AK8: variants seen among roughly 807,000 people sequenced by gnomAD.
The protein encoded by AK8 is ATP-AMP transphosphorylase 8.
In AK8, 44 loss-of-function variants were observed where a neutral mutation model predicts 54.6. The ratio of observed to expected loss-of-function variants is 0.81; its 90% confidence interval spans 0.63 to 1.04. The LOEUF (loss-of-function observed/expected upper bound fraction) is 1.04. Among genes scored for constraint, AK8 ranks in the 50% least tolerant of loss-of-function variants. The pLI, the probability that AK8 is intolerant of heterozygous loss-of-function variation, is 0.00. For missense variants in AK8, 555 were observed against 613.6 expected, an observed-to-expected ratio of 0.90 and a Z score of 1.01; for synonymous variants, 239 against 245.6, an observed-to-expected ratio of 0.97 and a Z score of 0.25.
chr9:132,773,552 C>G (rs1010746442), intron 11 of AK8, among the ~76,000 whole-genome samples: 3 of 152,214 alleles, frequency 2.0e-5, no homozygotes, highest in Non-Finnish European at 4.4e-5. Flanking sequence ...GTCCCAAGAA[C>G]TCAAGTAGTG....
intron 11 of AK8, among the ~76,000 whole-genome samples, chr9:132,772,327 C>T (rs922805534): frequency 1.3e-5 from 2 of 152,190 alleles, no homozygotes; most frequent in African/African-American, 4.8e-5. Context: ...AGCCCTCACC[C>T]CCAGAACCTC....
At chr9:132,726,127 G>A (rs774545966) in intron 12 of AK8, among the ~76,000 whole-genome samples, 30 of 152,106 alleles carry the variant, frequency 2.0e-4, no homozygotes, top group Non-Finnish European at 3.7e-4. Context: ...TGTGCTCCCC[G>A]CTCAAGGGAG....
In AK8 at chr9:132,803,296, A is replaced by T. The variant is rs1840553805; in HGVS notation, c.980-10521T>A. On this transcript the variant is annotated intron_variant, in intron 10 of 12. Coordinates refer to ENST00000298545, the MANE Select transcript of AK8 (RefSeq NM_152572.3). This position sits in a 1 kb window ranked among gnomAD's most constrained non-coding sequence, Gnocchi z 4.4. ...AACCATATCACGGAGCATCAGAGTAATGCAAACTGGAGCTTTGTCAGTTCC... is the reference window on the plus strand; with the variant it reads ...AACCATATCACGGAGCATCAGAGTATTGCAAACTGGAGCTTTGTCAGTTCC... Among the ~76,000 whole-genome samples the T allele has an allele frequency of 6.6e-6, 1 of 152,156 alleles. No individual in the cohort carries two copies. The highest frequency in any genetic ancestry group is 2.4e-5 in the African/African-American group (1 of 41,434).
At chr9:132,747,365 C>A (rs887061822) in intron 11 of AK8, among the ~76,000 whole-genome samples, 1 of 149,924 alleles carries the variant, frequency 6.7e-6, no homozygotes. Flanking sequence ...ATGTTGGCCA[C>A]GATGGTCTCA....
At position 132,826,708 on chromosome 9, in the gene AK8, C is replaced by T; in HGVS notation, c.757+146G>A. 2 of 943,986 alleles carry T rather than the reference C, an allele frequency of 2.1e-6. No homozygotes were observed. The highest frequency in any genetic ancestry group is 1.6e-5 in the South Asian group (1 of 60,776). The allele number at this position is 943,986 out of a possible 1,614,324, so 58.5% of individuals were successfully genotyped here. A position where few individuals can be genotyped will look rare whatever the true frequency, so the allele number is the denominator to read the frequency against. Reference sequence around the variant, plus strand: ...CACACATGCATTTCTGGGCAGGGAACCCGGGTCATCTATGTCTTGACTTCC... The same window carrying T: ...CACACATGCATTTCTGGGCAGGGAATCCGGGTCATCTATGTCTTGACTTCC... On this transcript the variant is annotated intron_variant, in intron 8 of 12. Coordinates refer to ENST00000298545, the MANE Select transcript of AK8 (RefSeq NM_152572.3). This position sits in a 1 kb window ranked among gnomAD's most constrained non-coding sequence, Gnocchi z 4.5.
At chr9:132,875,402 G>A (rs1433552741) in intron 1 of AK8, among the ~76,000 whole-genome samples, 1 of 152,140 alleles carries the variant, frequency 6.6e-6, no homozygotes, top group Admixed American at 6.5e-5. Context: ...CTGCTGCGGA[G>A]GCACCTATGG....
At chr9:132,796,838 C>T (rs529158001) in intron 10 of AK8, among the ~76,000 whole-genome samples, 2 of 151,502 alleles carry the variant, frequency 1.3e-5, no homozygotes, top group East Asian at 1.9e-4. Context: ...GAAGGGTGGC[C>T]GCCACTTCAC....
At chr9:132,815,246 G>A (rs1588163132) in intron 9 of AK8, among the ~76,000 whole-genome samples, 1 of 152,204 alleles carries the variant, frequency 6.6e-6, no homozygotes, top group African/African-American at 2.4e-5. Context: ...CACACAATAC[G>A]ATAGATTCAT....
chr9:132,757,985 G>A (rs917816602), intron 11 of AK8, among the ~76,000 whole-genome samples: 18 of 152,236 alleles, frequency 1.2e-4, no homozygotes, highest in Non-Finnish European at 2.1e-4. Flanking sequence ...TGATGGCTCT[G>A]GGGGCTGTCC....
chr9:132,862,759 G>C (rs1028604897), intron 4 of AK8, among the ~76,000 whole-genome samples: 1 of 152,186 alleles, frequency 6.6e-6, no homozygotes, highest in Non-Finnish European at 1.5e-5. Context: ...TGCCTGACAC[G>C]TGACTAGCTA....
At chr9:132,846,462 G>A (rs761474611) in intron 5 of AK8, among the ~76,000 whole-genome samples, 1 of 152,178 alleles carries the variant, frequency 6.6e-6, no homozygotes. Context: ...TCACTGCTTT[G>A]GTCCCTGTGC....
At chr9:132,801,466 G>A (rs1005841321) in intron 10 of AK8, among the ~76,000 whole-genome samples, 1 of 152,222 alleles carries the variant, frequency 6.6e-6, no homozygotes, top group African/African-American at 2.4e-5. Context: ...CAGTCTGCAT[G>A]TGAACTGGAT....
chr9:132,878,414 G>T, upstream of AK8: 1 of 1,236,780 alleles, frequency 8.1e-7, no homozygotes, highest in South Asian at 4.1e-5. This position sits in a 1 kb window ranked among gnomAD's most constrained non-coding sequence, Gnocchi z 4.7. Flanking sequence ...CGACCTCCCC[G>T]GCTGACGCGC....
At chr9:132,867,860 A>G (rs543334276) in intron 2 of AK8, among the ~76,000 whole-genome samples, 30 of 152,322 alleles carry the variant, frequency 2.0e-4, no homozygotes, top group African/African-American at 6.7e-4. Context: ...GTCAGGTGAG[A>G]GGAAGAGGTG....
chr9:132,843,121 G>C (rs1842608195), intron 5 of AK8, among the ~76,000 whole-genome samples: 1 of 152,176 alleles, frequency 6.6e-6, no homozygotes, highest in Admixed American at 6.5e-5. Flanking sequence ...ATATAGTTTG[G>C]ATATGTGTCC....
intron 5 of AK8, among the ~76,000 whole-genome samples, chr9:132,835,721 C>T (rs551437165): frequency 2.6e-4 from 40 of 152,336 alleles, no homozygotes; most frequent in African/African-American, 9.6e-4. Context: ...GGCACCGTGG[C>T]TCATGCCCAT....
chr9:132,847,015 C>T (rs972154238), intron 5 of AK8, among the ~76,000 whole-genome samples: 3 of 152,254 alleles, frequency 2.0e-5, no homozygotes, highest in African/African-American at 7.2e-5. Flanking sequence ...GGAGCAGAGG[C>T]TCTGGGCCTG....
intron 11 of AK8, among the ~76,000 whole-genome samples, chr9:132,738,639 T>C (rs1271272290): frequency 1.3e-5 from 2 of 152,136 alleles, no homozygotes; most frequent in Non-Finnish European, 2.9e-5. Flanking sequence ...GATGTTTCCC[T>C]TGGGCAACAT....
intron 5 of AK8, among the ~76,000 whole-genome samples, chr9:132,844,615 G>A (rs995097339): frequency 1.3e-5 from 2 of 152,168 alleles, no homozygotes; most frequent in African/African-American, 2.4e-5. Flanking sequence ...TGTCTCCAGC[G>A]GGAAGAGATG....
Sources: allele counts gnomAD v4.1 joint callset (sites outside exome capture counted in the v4.1 genomes callset), GRCh38; gene constraint gnomAD v4.1.1; non-coding constraint Gnocchi (gnomAD v3.1); transcripts MANE v1.5; gene names NCBI Gene and HGNC (gene_info 2026-07-23, HGNC 2026-07-21).